The following MTO1 variants were observed in gnomAD, a reference collection of about 807,000 sequenced individuals.
MTO1 encodes 5-taurinomethyluridine-[tRNA] synthase subunit MTO1, mitochondrial.
A neutral mutation model predicts 71.6 loss-of-function variants in MTO1; 46 were observed. The observed-to-expected ratio is 0.64, with a 90% CI of 0.51 to 0.82. The LOEUF is 0.82. Among genes scored for constraint, MTO1 ranks in the 40% least tolerant of loss-of-function variants. MTO1 has a pLI of 0.00. For synonymous variants in MTO1, 297 were observed against 312.1 expected, an observed-to-expected ratio of 0.95 and a Z score of 0.51; for missense variants, 773 against 867.5, an observed-to-expected ratio of 0.89 and a Z score of 1.37.
At chr6:73,483,074 G>A (rs1274497451) in intron 9 of MTO1, among the ~76,000 whole-genome samples, 2 of 151,976 alleles carry the variant, frequency 1.3e-5, no homozygotes, top group African/African-American at 4.8e-5. Context: ...TTACAGGCGT[G>A]AGCCACTGCA....
intron 9 of MTO1, among the ~76,000 whole-genome samples, chr6:73,489,202 C>T (rs1771739261): frequency 6.6e-6 from 1 of 151,800 alleles, no homozygotes; most frequent in Admixed American, 6.6e-5. Context: ...AAGAAACCCC[C>T]ATTGGGTGGT....
chr6:73,482,965 G>T (rs1006339205), intron 9 of MTO1, among the ~76,000 whole-genome samples: 11 of 151,094 alleles, frequency 7.3e-5, no homozygotes, highest in East Asian at 2.0e-4. Context: ...CTAATTTTTT[G>T]TATTTTTTAG....
At chr6:73,477,257 A>G (rs7754415) in intron 4 of MTO1, among the ~76,000 whole-genome samples, 136,075 of 150,576 alleles carry the variant, frequency 0.9, 61,614 homozygotes, top group East Asian at 0.95. Flanking sequence ...TTAGCTGGGC[A>G]TGGTGGCATG....
intron 1 of MTO1, among the ~76,000 whole-genome samples, chr6:73,465,341 T>A (rs1770952699): frequency 6.6e-6 from 1 of 152,034 alleles, no homozygotes; most frequent in Non-Finnish European, 1.5e-5. Context: ...TTTTTTGTAT[T>A]TTAGTAGAGA....
At chr6:73,497,589 C>T (rs1049187597) in intron 10 of MTO1, 147 bp from the exon 11 acceptor site, 1 of 692,530 alleles carries the variant, frequency 1.4e-6, no homozygotes, top group Non-Finnish European at 2.3e-6. Flanking sequence ...TAAAAGGGAA[C>T]ACCTACCCAA....
chr6:73,479,772 C>G lies in MTO1; in HGVS notation c.866C>G (p.Pro289Arg). The G allele has an allele frequency of 1.2e-6, 2 of 1,613,928 alleles. No individual in the cohort carries two copies. Among genetic ancestry groups the G allele is most frequent in the Non-Finnish European group, 8.5e-7 (1 of 1,179,950 alleles). ...CCATGTTACTTGACTCACACCAACC[C>G]TAGAGTGGATGAGATTGTCCTTAAG... ...QLPCYLTHTN[P>R]RVDEIVLKNL... Residue 289 changes from proline (P) to arginine (R), a missense_variant, in exon 5 of 12, where the codon CCT (proline) becomes CGT (arginine). Physicochemically the swap from Pro to Arg is moderately radical, Grantham distance 103. Coordinates refer to ENST00000498286, the MANE Select transcript of MTO1 (RefSeq NM_012123.4).
At chr6:73,491,809 C>T (rs915581649) in intron 9 of MTO1, among the ~76,000 whole-genome samples, 1 of 152,184 alleles carries the variant, frequency 6.6e-6, no homozygotes, top group African/African-American at 2.4e-5. Flanking sequence ...TGCATTTGCT[C>T]ACTATACTTA....
chr6:73,470,004 A>G (rs1256787098), intron 3 of MTO1, among the ~76,000 whole-genome samples: 2 of 151,818 alleles, frequency 1.3e-5, no homozygotes, highest in African/African-American at 2.4e-5. Context: ...CTCCGTCTCA[A>G]AAAAAAAGAA....
At chr6:73,492,955 A>G (rs1771858281) in intron 10 of MTO1, among the ~76,000 whole-genome samples, 1 of 135,180 alleles carries the variant, frequency 7.4e-6, no homozygotes, top group Non-Finnish European at 1.5e-5. Context: ...ATAAATAAAT[A>G]TATATATAAT....
At chr6:73,480,164 G>A in intron 6 of MTO1, 38 bp downstream of exon 6, 6 of 1,599,362 alleles carry the variant, frequency 3.8e-6, no homozygotes, top group Non-Finnish European at 5.1e-6. Context: ...TATAAGGTCA[G>A]CATTGTTTTA....
intron 10 of MTO1, among the ~76,000 whole-genome samples, chr6:73,493,350 A>ATGTGTG (rs1169202264): frequency 2.0e-3 from 91 of 46,422 alleles, no homozygotes; most frequent in South Asian, 0.01. Flanking sequence ...TGAAATGTGC[A>ATGTGTG]TGTATGTGTG....
chr6:73,484,188 A>G (rs1444039608), intron 9 of MTO1, among the ~76,000 whole-genome samples: 2 of 152,210 alleles, frequency 1.3e-5, no homozygotes, highest in Non-Finnish European at 2.9e-5. Flanking sequence ...CATCTTTCAT[A>G]TCAGGGGATC....
At chr6:73,485,955 A>G (rs1031214914) in intron 9 of MTO1, among the ~76,000 whole-genome samples, 16 of 152,112 alleles carry the variant, frequency 1.1e-4, no homozygotes, top group Non-Finnish European at 2.2e-4. Context: ...ACACACACAC[A>G]CACATTTTCT....
intron 4 of MTO1, among the ~76,000 whole-genome samples, chr6:73,476,684 G>A (rs1166402567): frequency 6.6e-6 from 1 of 151,824 alleles, no homozygotes. Flanking sequence ...GAGATGATGA[G>A]CTCTTACCTT....
At chr6:73,486,875 T>C in intron 9 of MTO1, 1 of 167,544 alleles carries the variant, frequency 6.0e-6, no homozygotes. Context: ...GAGGATCCTT[T>C]GAACCCAGGA....
chr6:73,462,134 C>A, intron 1 of MTO1, 63 bp downstream of exon 1: 1 of 1,555,262 alleles, frequency 6.4e-7, no homozygotes, highest in South Asian at 1.1e-5. Context: ...CCCGCCTCCC[C>A]CGGTCTGAAG....
chr6:73,466,541 A>G lies in MTO1; in HGVS notation c.470A>G (p.Asp157Gly), dbSNP rs771388798. 5.0e-6 allele frequency: 8 copies of G among 1,614,090 alleles called. No homozygotes were observed. The Admixed American group carries it at 1.3e-4, about 27-fold the overall frequency. Residue 157 changes from aspartate (D) to glycine (G), a missense_variant, in exon 3 of 12, where the codon GAT (aspartate) becomes GGT (glycine). By Grantham distance (94) the Asp-to-Gly change is moderately conservative. Transcript: ENST00000498286. ...ACTGTTCAGGAGGGAGCTGTAGAAGATCTTATTCTTACAGAACCAGAGCCT... is the reference window on the plus strand; with the variant it reads ...ACTGTTCAGGAGGGAGCTGTAGAAGGTCTTATTCTTACAGAACCAGAGCCT... ...LLTVQEGAVEDLILTEPEPEH... is the reference protein window; with the variant it reads ...LLTVQEGAVEGLILTEPEPEH...
chr6:73,471,419 A>AT (rs1394157899), intron 3 of MTO1: 1 of 446,802 alleles, frequency 2.2e-6, no homozygotes, highest in Non-Finnish European at 4.5e-6. Flanking sequence ...TAAATTGTTT[A>AT]TTTTTTTATT....
In MTO1 at chr6:73,503,574, GTT is replaced by G. The variant is rs1772215850; in HGVS notation, c.*2840_*2841del. 1 of 152,198 alleles carries G rather than the reference GTT, an allele frequency of 6.6e-6. No homozygotes were observed. The highest frequency in any genetic ancestry group is 1.5e-5 in the Non-Finnish European group (1 of 68,054). 9.4% of individuals were successfully genotyped at this position (152,198 alleles called of 1,614,324 possible). A position where few individuals can be genotyped will look rare whatever the true frequency, so the allele number is the denominator to read the frequency against. ...TAAAAATGTAACCTTACTCAATGTA[GTT>G]ACTTCATAGAAATCCCATCACTGAC... is the stretch of plus-strand genomic sequence containing the variant. On this transcript the variant is annotated 3_prime_UTR_variant, in exon 12 of 12. Coordinates refer to ENST00000498286, the MANE Select transcript of MTO1 (RefSeq NM_012123.4).
Sources: gnomAD v4.1 joint callset for allele counts (sites outside exome capture counted in the v4.1 genomes callset) on GRCh38, gnomAD v4.1.1 for gene constraint, MANE v1.5 for transcripts, NCBI Gene and HGNC (gene_info 2026-07-23, HGNC 2026-07-21) for gene names.